Variants in POMT2 observed in about 807,000 individuals in gnomAD.
POMT2 encodes protein O-mannosyltransferase 2, also known as protein O-mannosyl-transferase 2.
Under a neutral mutation model 100.0 loss-of-function variants are expected in POMT2, and 75 were observed. The ratio of observed to expected loss-of-function variants is 0.75; its 90% confidence interval spans 0.62 to 0.91. The LOEUF (loss-of-function observed/expected upper bound fraction) is 0.91, where lower values mean the gene tolerates loss of function less well. POMT2 is among the 40% of genes least tolerant of loss of function. The pLI, the probability that POMT2 is intolerant of heterozygous loss-of-function variation, is 0.00. For missense variants in POMT2, 940 were observed against 955.1 expected (o/e 0.98, Z 0.21); for synonymous variants, 378 against 374.1 (o/e 1.01, Z -0.12).
intron 1 of POMT2, among the ~76,000 whole-genome samples, chr14:77,319,092 G>A (rs1891735545): frequency 6.6e-6 from 1 of 152,118 alleles, no homozygotes; most frequent in Admixed American, 6.5e-5. Flanking sequence ...TGTAATTACT[G>A]GTAATGACAC....
Position 77,280,680 on chromosome 14 carries a change from T to C in POMT2, c.1654-217A>G, listed in dbSNP as rs2098380. On this transcript the variant is annotated intron_variant, in intron 15 of 20. Coordinates refer to ENST00000261534, the MANE Select transcript of POMT2 (RefSeq NM_013382.7). The stretch of plus-strand genomic sequence containing the variant: ...GCCTCCATCTCCCATAAGGGGTCCA[T>C]TCCAACCTTCTAGGGAAAAAGAAGG... Among the ~76,000 whole-genome samples, 49,559 of 148,644 alleles carry C rather than the reference T, an allele frequency of 0.33. 9,665 individuals are homozygous for C. The highest frequency in any genetic ancestry group is 0.47 in the East Asian group (2,362 of 5,044).
chr14:77,299,673 T>C lies in POMT2; in HGVS notation c.817-112A>G, dbSNP rs543075723. On this transcript the variant is annotated intron_variant, in intron 6 of 20. Coordinates refer to ENST00000261534, the MANE Select transcript of POMT2 (RefSeq NM_013382.7). ...ATATATCAGTCATAATCATAAAAAATGGCCAAGAGGAGAGAGAAGAATATG... is the reference window on the plus strand; with the variant it reads ...ATATATCAGTCATAATCATAAAAAACGGCCAAGAGGAGAGAGAAGAATATG... 145 of 847,142 alleles carry C rather than the reference T, an allele frequency of 1.7e-4. No homozygotes were observed. In the African/African-American group the frequency reaches 2.3e-3, roughly 13 times the overall value. 52.5% of individuals were successfully genotyped at this position (847,142 alleles called of 1,614,324 possible).
intron 10 of POMT2, 116 bp from the exon 11 acceptor site, chr14:77,288,947 G>C: frequency 1.2e-6 from 1 of 864,278 alleles, no homozygotes; most frequent in Non-Finnish European, 1.9e-6. Context: ...GTACTAACCA[G>C]GTACTCTGAG....
chr14:77,304,937 T>C (rs1891173584), intron 3 of POMT2, 137 bp from the exon 4 acceptor site: 3 of 1,440,140 alleles, frequency 2.1e-6, no homozygotes, highest in Admixed American at 2.1e-5. Context: ...ACCTAGGATA[T>C]CTATAACTAA....
At chr14:77,307,578 G>A (rs988415897) in intron 2 of POMT2, among the ~76,000 whole-genome samples, 1 of 152,166 alleles carries the variant, frequency 6.6e-6, no homozygotes, top group African/African-American at 2.4e-5. Flanking sequence ...GGACAAGCTC[G>A]CCTGGTATTG....
intron 6 of POMT2, 119 bp downstream of exon 6, chr14:77,300,971 C>T: frequency 1.9e-6 from 3 of 1,600,672 alleles, no homozygotes; most frequent in Non-Finnish European, 2.6e-6. Flanking sequence ...GTCCAGCCCA[C>T]CTGGGACCCA....
rs572526417 is a variant in POMT2, at chr14:77,285,237, C to A, written c.1485-196G>T. 2.3e-5 allele frequency: 16 copies of A among 710,524 alleles called. No homozygotes were observed. In the African/African-American group the frequency reaches 2.9e-4, roughly 13 times the overall value. The allele number at this position is 710,524 out of a possible 1,614,324, so 44.0% of individuals were successfully genotyped here. On this transcript the variant is annotated intron_variant, in intron 13 of 20. Transcript: ENST00000261534. Reference sequence around the variant, plus strand: ...TTCCCATTTTAGAAAAAGACATAGACCCAGAGAGTTATTAGCACCAGCCAG... The same window carrying A: ...TTCCCATTTTAGAAAAAGACATAGAACCAGAGAGTTATTAGCACCAGCCAG...
intron 1 of POMT2, among the ~76,000 whole-genome samples, chr14:77,318,379 G>C (rs1891703024): frequency 6.6e-6 from 1 of 152,178 alleles, no homozygotes; most frequent in Non-Finnish European, 1.5e-5. Context: ...GGCCAGTCTT[G>C]AACTATTCCC....
intron 15 of POMT2, among the ~76,000 whole-genome samples, chr14:77,280,695 G>A (rs560740795): frequency 3.3e-4 from 30 of 90,444 alleles, no homozygotes; most frequent in African/African-American, 1.2e-3. Context: ...ACCTTCTAGG[G>A]AAAAAGAAGG....
rs1363778648 is a variant in POMT2 at position 77,276,517 on chromosome 14, C to T, written c.*859G>A. On this transcript the variant is annotated 3_prime_UTR_variant, in exon 21 of 21. Coordinates refer to ENST00000261534, the MANE Select transcript of POMT2 (RefSeq NM_013382.7). ...CCCAGCAGCCAGGAGAATGCATCTG[C>T]CTTGCCCTCCAGGCCAGGCTAGATG... The T allele has an allele frequency of 6.6e-6, 1 of 152,438 alleles. No homozygotes were observed. The highest frequency in any genetic ancestry group is 6.5e-5 in the Admixed American group (1 of 15,292). 9.4% of individuals were successfully genotyped at this position (152,438 alleles called of 1,614,324 possible). A position where few individuals can be genotyped will look rare whatever the true frequency, so the allele number is the denominator to read the frequency against.
chr14:77,279,664 G>A, intron 18 of POMT2, 159 bp downstream of exon 18: 2 of 749,406 alleles, frequency 2.7e-6, no homozygotes, highest in Non-Finnish European at 4.7e-6. Flanking sequence ...ACACAGCACT[G>A]GGTACTTGGG....
intron 1 of POMT2, among the ~76,000 whole-genome samples, chr14:77,313,597 C>T (rs1014019012): frequency 1.3e-5 from 2 of 152,308 alleles, no homozygotes; most frequent in Admixed American, 6.5e-5. Context: ...AAGTACCATC[C>T]CTGCTGGGCC....
chr14:77,299,626 C>T (rs529426802), intron 6 of POMT2, 65 bp from the exon 7 acceptor site: 148 of 1,175,228 alleles, frequency 1.3e-4, no homozygotes, highest in Middle Eastern at 1.9e-4. Flanking sequence ...AGGCACTATG[C>T]ATGCATTATA....
In POMT2 at chr14:77,284,132, T is replaced by C. The variant is rs1053907926; in HGVS notation, c.1577-259A>G. 4.3e-5 allele frequency: 21 copies of C among 492,302 alleles called. 1 individual carries two copies. Among genetic ancestry groups the C allele is most frequent in the Middle Eastern group, 1.2e-3 (2 of 1,716 alleles). 30.5% of individuals were successfully genotyped at this position (492,302 alleles called of 1,614,324 possible). ...GGTGCTCCAACAGCTCCCAGCACCA[T>C]TGCTTTTCACTGTGGTACTGGCTCA... On this transcript the variant is annotated intron_variant, in intron 14 of 20. Transcript: ENST00000261534.
At position 77,280,095 on chromosome 14, in the gene POMT2, C is replaced by T. The variant is rs1057524013; in HGVS notation, c.1726-15G>A. On this transcript the variant is annotated splice_polypyrimidine_tract_variant and intron_variant, in intron 16 of 20. Coordinates refer to ENST00000261534, the MANE Select transcript of POMT2 (RefSeq NM_013382.7). ...AAGCGTAGGCCCTGTGGAATAGAGA[C>T]CACCCTGCTGACCCAGGCCCAGCCC... is the stretch of plus-strand genomic sequence containing the variant. 1 of 1,613,784 alleles carries T rather than the reference C, an allele frequency of 6.2e-7. No homozygotes were observed. The highest frequency in any genetic ancestry group is 8.5e-7 in the Non-Finnish European group (1 of 1,180,016).
intron 8 of POMT2, among the ~76,000 whole-genome samples, chr14:77,296,697 T>C (rs1737616205): frequency 6.6e-6 from 1 of 152,222 alleles, no homozygotes; most frequent in South Asian, 2.1e-4. Flanking sequence ...CTTTTGAATC[T>C]AGTACCATAT....
At chr14:77,300,424 G>GT (rs1287655258) in intron 6 of POMT2, 1 of 155,070 alleles carries the variant, frequency 6.4e-6, no homozygotes, top group Non-Finnish European at 1.4e-5. Flanking sequence ...AAGGTAAAGC[G>GT]TTTCGCATAG....
At chr14:77,296,718 T>A (rs1349776246) in intron 8 of POMT2, among the ~76,000 whole-genome samples, 1 of 152,238 alleles carries the variant, frequency 6.6e-6, no homozygotes, top group Non-Finnish European at 1.5e-5. Flanking sequence ...GAAATAACTG[T>A]TCAATGGTGT....
rs375731249 is a variant in POMT2 at position 77,304,714 on chromosome 14, G to A, written c.525C>T (p.Leu175=). The A allele has an allele frequency of 3.8e-6, 6 of 1,593,966 alleles. No individual in the cohort carries two copies. The highest frequency in any genetic ancestry group is 5.1e-6 in the Non-Finnish European group (6 of 1,171,370). ...DLSKSLSAAL[L]TAALLTFDTG... ...TACCAAAGGTGAGGAGGGCAGCTGT[G>A]AGCAGTGCTGCCGAGAGGGACTTGG... The change falls in exon 4 of 21, where the codon CTC becomes CTT. Residue 175 remains leucine, a synonymous_variant. Transcript: ENST00000261534.
Sources: gnomAD v4.1 joint callset for allele counts (sites outside exome capture counted in the v4.1 genomes callset) on GRCh38, gnomAD v4.1.1 for gene constraint, MANE v1.5 for transcripts, NCBI Gene and HGNC (gene_info 2026-07-23, HGNC 2026-07-21) for gene names.